Variants in MYCBP observed in about 807,000 individuals in gnomAD.
MYCBP encodes C-Myc-binding protein.
Under a neutral mutation model 16.8 loss-of-function variants are expected in MYCBP, and 5 were observed. The observed-to-expected ratio is 0.30, with a 90% CI of 0.16 to 0.63. MYCBP has a LOEUF of 0.63. Ranked by LOEUF, MYCBP falls within the 20% of genes least tolerant of loss-of-function variation. The pLI is 0.83. For missense variants in MYCBP, 103 were observed against 121.8 expected, an observed-to-expected ratio of 0.85 and a Z score of 0.73; for synonymous variants, 35 against 43.7, an observed-to-expected ratio of 0.80 and a Z score of 0.79.
chr1:38,868,358 A>C (rs1443721115), intron 2 of MYCBP, among the ~76,000 whole-genome samples: 1 of 152,208 alleles, frequency 6.6e-6, no homozygotes, highest in African/African-American at 2.4e-5. Flanking sequence ...CTTAAAAATT[A>C]AGTTTGTTTT....
chr1:38,869,235 T>A (rs74654045), intron 2 of MYCBP, among the ~76,000 whole-genome samples: 3,548 of 151,968 alleles, frequency 0.023, 146 homozygotes, highest in African/African-American at 0.079. Flanking sequence ...ATAACAGGCA[T>A]GTGCCACCAT....
chr1:38,872,706 A>C, intron 2 of MYCBP: 2 of 401,798 alleles, frequency 5.0e-6, no homozygotes, highest in East Asian at 4.8e-5. Flanking sequence ...GGTGGGAGGA[A>C]TTGGGATCTG....
chr1:38,867,424 G>A (rs1642364800), intron 3 of MYCBP, 138 bp downstream of exon 3: 1 of 718,640 alleles, frequency 1.4e-6, no homozygotes. Flanking sequence ...TCCCCACCAG[G>A]TGACAGTACA....
At chr1:38,869,673 A>G (rs757057585) in intron 2 of MYCBP, among the ~76,000 whole-genome samples, 3 of 152,188 alleles carry the variant, frequency 2.0e-5, no homozygotes, top group Non-Finnish European at 2.9e-5. Context: ...TTCAGCTTCC[A>G]AATGATTTAT....
chr1:38,867,446 CAAAAAA>C (rs11338710), intron 3 of MYCBP, 110 bp downstream of exon 3: 39 of 625,710 alleles, frequency 6.2e-5, no homozygotes, highest in South Asian at 9.2e-5. Context: ...GACTCCGTCT[CAAAAAA>C]AAAAAAAAAA....
intron 1 of MYCBP, 87 bp downstream of exon 1, chr1:38,873,204 C>A (rs1035033304): frequency 1.3e-6 from 2 of 1,569,934 alleles, no homozygotes; most frequent in African/African-American, 2.7e-5. Context: ...CCCGCCCAAA[C>A]CTGCGCGCGC....
At chr1:38,872,274 G>A (rs1411560156) in intron 2 of MYCBP, among the ~76,000 whole-genome samples, 1 of 152,126 alleles carries the variant, frequency 6.6e-6, no homozygotes, top group African/African-American at 2.4e-5. Flanking sequence ...CACATAGCAG[G>A]CATTCAAATT....
chr1:38,867,359 A>C (rs1169444500), intron 3 of MYCBP, among the ~76,000 whole-genome samples: 2 of 151,936 alleles, frequency 1.3e-5, no homozygotes, highest in Non-Finnish European at 2.9e-5. Flanking sequence ...AGGCAGGAGA[A>C]TCGCTTGAAG....
At chr1:38,873,131 C>A in intron 1 of MYCBP, 41 bp from the exon 2 acceptor site, 1 of 1,553,176 alleles carries the variant, frequency 6.4e-7, no homozygotes, top group South Asian at 1.2e-5. Context: ...GCCCGGGAGC[C>A]GAGCAGGAAG....
At chr1:38,870,414 TGG>T (rs1039745213) in intron 2 of MYCBP, among the ~76,000 whole-genome samples, 14 of 151,834 alleles carry the variant, frequency 9.2e-5, no homozygotes, top group Admixed American at 8.5e-4. Flanking sequence ...CGTCAACACT[TGG>T]GGAAGCTAAG....
Position 38,864,617 on chromosome 1 carries a change from C to T in MYCBP, c.*53G>A, listed in dbSNP as rs1378862301. On this transcript the variant is annotated 3_prime_UTR_variant, in exon 5 of 5. Transcript: ENST00000397572. ...CAGAAAAGATTATATACTATACAAACTATTCAAGTCATACAAAACCATTTT... is the reference window on the plus strand; with the variant it reads ...CAGAAAAGATTATATACTATACAAATTATTCAAGTCATACAAAACCATTTT... 4 of 1,555,914 alleles carry T rather than the reference C, an allele frequency of 2.6e-6. No homozygotes were observed. The highest frequency in any genetic ancestry group is 4.5e-5 in the East Asian group (2 of 44,510).
At chr1:38,873,245 G>T (rs1642506630) in intron 1 of MYCBP, 46 bp downstream of exon 1, 1 of 1,595,922 alleles carries the variant, frequency 6.3e-7, no homozygotes, top group South Asian at 1.1e-5. Context: ...CCGACCAGCG[G>T]CTTGCTACCG....
rs984880487 is a variant in MYCBP, at chr1:38,862,737, A to G, written c.*1933T>C. Among the ~76,000 whole-genome samples, 1 of 152,246 alleles carries G rather than the reference A, an allele frequency of 6.6e-6. No homozygotes were observed. The highest frequency in any genetic ancestry group is 2.4e-5 in the African/African-American group (1 of 41,468). On this transcript the variant is annotated 3_prime_UTR_variant, in exon 5 of 5. Transcript: ENST00000397572. ...ATTCTTAAATAGCACTGACTGTTAC[A>G]GTTTAAGCAAGTCAGTTTCACCTAA...
At chr1:38,868,850 G>A (rs1433825287) in intron 2 of MYCBP, among the ~76,000 whole-genome samples, 2 of 152,040 alleles carry the variant, frequency 1.3e-5, no homozygotes, top group African/African-American at 4.8e-5. Context: ...AGCTTGCAGT[G>A]AGCCGAGATC....
chr1:38,864,730 AG>A lies in MYCBP; in HGVS notation c.268-17del, dbSNP rs760984470. 5 of 1,611,892 alleles carry A rather than the reference AG, an allele frequency of 3.1e-6. No homozygotes were observed. The South Asian group carries it at 5.5e-5, about 18-fold the overall frequency. ...ACTGAGCAAGCTATGGGGCAAAGAC[AG>A]AGGAATTTAGGTGAATTTTATTCTA... On this transcript the variant is annotated splice_polypyrimidine_tract_variant and intron_variant, in intron 4 of 4. Coordinates refer to ENST00000397572, the MANE Select transcript of MYCBP (RefSeq NM_012333.5).
intron 4 of MYCBP, among the ~76,000 whole-genome samples, chr1:38,865,083 G>T (rs1002649774): frequency 6.6e-6 from 1 of 152,160 alleles, no homozygotes; most frequent in Non-Finnish European, 1.5e-5. Flanking sequence ...AGTAGATAAA[G>T]AGTTAAGTGA....
chr1:38,868,956 G>C (rs1214979501), intron 2 of MYCBP, among the ~76,000 whole-genome samples: 1 of 151,966 alleles, frequency 6.6e-6, no homozygotes, highest in Non-Finnish European at 1.5e-5. Flanking sequence ...TAGATATCTA[G>C]ACCCCAAGTT....
In MYCBP at chr1:38,868,766, C is replaced by T. The variant is rs539278793; in HGVS notation, c.89-1156G>A. On this transcript the variant is annotated intron_variant, in intron 2 of 4. Coordinates refer to ENST00000397572, the MANE Select transcript of MYCBP (RefSeq NM_012333.5). ...TAAAAAATACAAAAAATGAGCCAGG[C>T]GTGGTGGCGGGCGGCTGTAGTCCCA... Among the ~76,000 whole-genome samples the T allele has an allele frequency of 1.6e-3, 246 of 152,076 alleles. 3 individuals carry two copies. The highest frequency in any genetic ancestry group is 5.4e-3 in the African/African-American group (224 of 41,484).
At chr1:38,870,026 C>T (rs933950573) in intron 2 of MYCBP, among the ~76,000 whole-genome samples, 5 of 151,686 alleles carry the variant, frequency 3.3e-5, no homozygotes, top group South Asian at 2.1e-4. Flanking sequence ...AAAAATTAGC[C>T]GGGCATGGTG....
Sources: gnomAD v4.1 joint callset for allele counts (sites outside exome capture counted in the v4.1 genomes callset) on GRCh38, gnomAD v4.1.1 for gene constraint, MANE v1.5 for transcripts, NCBI Gene and HGNC (gene_info 2026-07-23, HGNC 2026-07-21) for gene names.